ADARB1: variants seen among roughly 807,000 people sequenced by gnomAD.
The protein encoded by ADARB1 is adenosine deaminase RNA specific B1, also known as double-stranded RNA-specific editase 1.
In ADARB1, 10 loss-of-function variants were observed where a neutral mutation model predicts 52.4. The observed-to-expected ratio is 0.19, with a 90% CI of 0.12 to 0.32. The LOEUF is 0.32. Ranked by LOEUF, ADARB1 falls within the 10% of genes least tolerant of loss-of-function variation. The pLI is 1.00. For synonymous variants in ADARB1, 349 were observed against 371.1 expected (o/e 0.94, Z 0.68); for missense variants, 643 against 922.3 (o/e 0.70, Z 3.92).
intron 1 of ADARB1, among the ~76,000 whole-genome samples, chr21:45,094,020 T>G (rs1300438784): frequency 6.6e-6 from 1 of 152,218 alleles, no homozygotes; most frequent in East Asian, 1.9e-4. Context: ...CTGCCCATCC[T>G]GATTATAACT....
intron 1 of ADARB1, among the ~76,000 whole-genome samples, chr21:45,121,449 T>G (rs898804793): frequency 6.6e-6 from 1 of 152,210 alleles, no homozygotes; most frequent in Non-Finnish European, 1.5e-5. Context: ...GCCCTGGGCA[T>G]CCGCTCTCAG....
chr21:45,128,031 ATGTGTGCATGTGTAGGGG>A lies in ADARB1; in HGVS notation c.-219-361_-219-344del, dbSNP rs1309481517. On this transcript the variant is annotated intron_variant, in intron 1 of 10. Coordinates refer to ENST00000348831, the MANE Select transcript of ADARB1 (RefSeq NM_001112.4). This position sits in a 1 kb window ranked among gnomAD's most constrained non-coding sequence, Gnocchi z 4.6. ...TCTCTGTATCTGGACTCACATTCACATGTGTGCATGTGTAGGGGTGTGTGCATATTGAATTGTAAAAAA... is the reference window on the plus strand; with the variant it reads ...TCTCTGTATCTGGACTCACATTCACATGTGTGCATATTGAATTGTAAAAAA... 6.6e-6 allele frequency among the ~76,000 whole-genome samples: 1 copy of A among 152,090 alleles called. No individual in the cohort carries two copies. The highest frequency in any genetic ancestry group is 2.4e-5 in the African/African-American group (1 of 41,420).
intron 1 of ADARB1, among the ~76,000 whole-genome samples, chr21:45,076,718 T>C (rs542268924): frequency 1.4e-4 from 21 of 152,380 alleles, no homozygotes; most frequent in Admixed American, 5.9e-4. Context: ...TTATGTATTG[T>C]AAAACATTTG....
chr21:45,092,591 T>G (rs412431), intron 1 of ADARB1, among the ~76,000 whole-genome samples: 144,079 of 152,222 alleles, frequency 0.95, 68,226 homozygotes, highest in East Asian at 0.98. Flanking sequence ...TTATTATTGT[T>G]CTCCTGTTGG....
intron 2 of ADARB1, among the ~76,000 whole-genome samples, chr21:45,165,771 C>T (rs2091229049): frequency 6.6e-6 from 1 of 151,122 alleles, no homozygotes; most frequent in Non-Finnish European, 1.5e-5. Context: ...CTTTGGAATG[C>T]TGCTTGATGT....
chr21:45,198,534 C>G (rs8130862), intron 8 of ADARB1, among the ~76,000 whole-genome samples: 7,777 of 151,972 alleles, frequency 0.051, 299 homozygotes, highest in East Asian at 0.15. Flanking sequence ...CACACACACA[C>G]AGAGAATAAA....
In ADARB1 at chr21:45,223,522, G is replaced by A. The variant is rs890371664; in HGVS notation, c.*1325G>A. 1 of 985,588 alleles carries A rather than the reference G, an allele frequency of 1.0e-6. No homozygotes were observed. Among genetic ancestry groups the A allele is most frequent in the East Asian group, 1.1e-4 (1 of 8,844 alleles). The allele number at this position is 985,588 out of a possible 1,614,324, so 61.1% of individuals were successfully genotyped here. On this transcript the variant is annotated 3_prime_UTR_variant, in exon 11 of 11. Coordinates refer to ENST00000348831, the MANE Select transcript of ADARB1 (RefSeq NM_001112.4). ...GCTCAGGATGAAAGAGGAGCTGAGA[G>A]AAGTGCTCTGCCTGCCAGTGCAGTG...
chr21:45,113,851 G>T (rs1442732164), intron 1 of ADARB1, among the ~76,000 whole-genome samples: 1 of 152,182 alleles, frequency 6.6e-6, no homozygotes, highest in Non-Finnish European at 1.5e-5. Flanking sequence ...GAATGTTTCA[G>T]ATATTTCAAA....
intron 2 of ADARB1, among the ~76,000 whole-genome samples, chr21:45,140,391 T>C (rs2089656090): frequency 6.6e-6 from 1 of 152,224 alleles, no homozygotes; most frequent in Non-Finnish European, 1.5e-5. Context: ...AGATGGTTTG[T>C]ATTCAGCAGA....
chr21:45,150,446 G>A (rs149832100), intron 2 of ADARB1, among the ~76,000 whole-genome samples: 4 of 152,304 alleles, frequency 2.6e-5, no homozygotes, highest in East Asian at 1.9e-4. Flanking sequence ...AGTAGTTAAT[G>A]TGAAATGTTT....
chr21:45,165,671 C>T (rs540528030), intron 2 of ADARB1, among the ~76,000 whole-genome samples: 15 of 152,238 alleles, frequency 9.9e-5, no homozygotes, highest in Admixed American at 5.9e-4. Context: ...AGATTGTTTT[C>T]GTTCAAATGA....
intron 2 of ADARB1, among the ~76,000 whole-genome samples, chr21:45,132,987 C>T (rs2089050495): frequency 6.6e-6 from 1 of 152,240 alleles, no homozygotes; most frequent in Non-Finnish European, 1.5e-5. Context: ...TCCCTGCCAG[C>T]TCCTCCAGTC....
intron 4 of ADARB1, among the ~76,000 whole-genome samples, chr21:45,179,157 A>G (rs542081009): frequency 6.6e-6 from 1 of 152,228 alleles, no homozygotes; most frequent in East Asian, 1.9e-4. Flanking sequence ...TTTCTGTCAC[A>G]GCCTCAGTTC....
chr21:45,124,134 G>T (rs2088396368), intron 1 of ADARB1, among the ~76,000 whole-genome samples: 1 of 152,114 alleles, frequency 6.6e-6, no homozygotes, highest in African/African-American at 2.4e-5. Context: ...AATCATGTTT[G>T]ATCGCTTTAA....
intron 7 of ADARB1, 62 bp from the exon 8 acceptor site, chr21:45,184,861 T>G: frequency 1.3e-6 from 2 of 1,493,216 alleles, no homozygotes; most frequent in African/African-American, 2.8e-5. Context: ...TTAGATGTGC[T>G]TTTCAATAAA....
At chr21:45,089,199 T>C (rs190926673) in intron 1 of ADARB1, among the ~76,000 whole-genome samples, 2 of 152,362 alleles carry the variant, frequency 1.3e-5, no homozygotes, top group Admixed American at 1.3e-4. Context: ...CTGTGATTGA[T>C]ACATACTTCT....
At chr21:45,185,126 G>T in intron 8 of ADARB1, 35 bp downstream of exon 8, 1 of 1,606,026 alleles carries the variant, frequency 6.2e-7, no homozygotes, top group Non-Finnish European at 8.5e-7. Flanking sequence ...CCACCTCCCT[G>T]CACACAGGAT....
chr21:45,155,624 A>G (rs941400760), intron 2 of ADARB1, among the ~76,000 whole-genome samples: 28 of 148,872 alleles, frequency 1.9e-4, no homozygotes, highest in Non-Finnish European at 7.5e-5. Flanking sequence ...CCATCTACCC[A>G]TGCATCCATC....
chr21:45,077,865 C>G (rs2086005660), intron 1 of ADARB1, among the ~76,000 whole-genome samples: 1 of 152,086 alleles, frequency 6.6e-6, no homozygotes, highest in South Asian at 2.1e-4. Context: ...CATTAAGATT[C>G]CTTCCTTATT....
Sources: allele counts gnomAD v4.1 joint callset (sites outside exome capture counted in the v4.1 genomes callset), GRCh38; gene constraint gnomAD v4.1.1; non-coding constraint Gnocchi (gnomAD v3.1); transcripts MANE v1.5; gene names NCBI Gene and HGNC (gene_info 2026-07-23, HGNC 2026-07-21).